SPIN1: variants seen among roughly 807,000 people sequenced by gnomAD.
The protein encoded by SPIN1 is spindlin-1.
Under a neutral mutation model 26.0 loss-of-function variants are expected in SPIN1, and 3 were observed. That is an observed-to-expected ratio of 0.12 (90% confidence interval 0.05 to 0.30). The LOEUF is 0.30. SPIN1 is among the 10% of genes least tolerant of loss of function. SPIN1 has a pLI of 1.00. For synonymous variants in SPIN1, 101 were observed against 116.5 expected, an observed-to-expected ratio of 0.87 and a Z score of 0.86; for missense variants, 126 against 333.4, an observed-to-expected ratio of 0.38 and a Z score of 4.84.
rs1334352948 is a variant in SPIN1, at chr9:88,395,001, G to C, written c.-159+6463G>C. On this transcript the variant is annotated intron_variant, in intron 1 of 5. Transcript: ENST00000375859. ...ATTTTTGTATTTTTAGTAGAGACGGGGTTTCACTATGTTAGCCAAGATGGT... is the reference window on the plus strand; with the variant it reads ...ATTTTTGTATTTTTAGTAGAGACGGCGTTTCACTATGTTAGCCAAGATGGT... 3.3e-5 allele frequency among the ~76,000 whole-genome samples: 5 copies of C among 151,658 alleles called. No individual in the cohort carries two copies. In the Admixed American group the frequency reaches 3.3e-4, roughly 10 times the overall value.
At chr9:88,423,434 TTTTG>T (rs141940848) in intron 1 of SPIN1, among the ~76,000 whole-genome samples, 11,600 of 151,708 alleles carry the variant, frequency 0.076, 1,384 homozygotes, top group African/African-American at 0.26. Context: ...TTTGTGGGTT[TTTTG>T]TTTGTTTGTT....
intron 5 of SPIN1, among the ~76,000 whole-genome samples, chr9:88,472,465 C>T (rs1278585743): frequency 1.3e-5 from 2 of 151,884 alleles, no homozygotes; most frequent in African/African-American, 4.8e-5. Flanking sequence ...ATCTCCTGAC[C>T]TCAGGTGAGC....
intron 1 of SPIN1, among the ~76,000 whole-genome samples, chr9:88,398,238 A>G (rs1361351490): frequency 1.3e-5 from 2 of 151,964 alleles, no homozygotes; most frequent in African/African-American, 4.8e-5. Flanking sequence ...GGCATGAGTC[A>G]CCGTGCCTGG....
chr9:88,455,097 A>G (rs1828444422), intron 3 of SPIN1, among the ~76,000 whole-genome samples: 1 of 152,250 alleles, frequency 6.6e-6, no homozygotes, highest in Admixed American at 6.5e-5. Context: ...CCATCCTTAA[A>G]ATATGCAAAT....
chr9:88,426,191 C>CT (rs1827762539), intron 1 of SPIN1, among the ~76,000 whole-genome samples, 191 bp from the exon 2 acceptor site: 2 of 152,230 alleles, frequency 1.3e-5, no homozygotes, highest in African/African-American at 2.4e-5. Flanking sequence ...TTTAAAGAGT[C>CT]TATCACCTCT....
intron 1 of SPIN1, among the ~76,000 whole-genome samples, chr9:88,396,489 C>T (rs925979187): frequency 6.6e-6 from 1 of 151,480 alleles, no homozygotes; most frequent in South Asian, 2.1e-4. Context: ...GTAATCCCAG[C>T]TACTCAGGAG....
intron 1 of SPIN1, chr9:88,410,449 T>C (rs756087799): frequency 3.3e-5 from 22 of 662,570 alleles, no homozygotes; most frequent in Admixed American, 2.4e-4. Flanking sequence ...TGTGCTTGGC[T>C]GAATTCACAA....
At chr9:88,449,643 C>A (rs911131628) in intron 3 of SPIN1, among the ~76,000 whole-genome samples, 3 of 152,066 alleles carry the variant, frequency 2.0e-5, no homozygotes, top group Non-Finnish European at 4.4e-5. Context: ...CTATTGTTTT[C>A]AATTATAATA....
At chr9:88,422,156 C>T (rs1253191885) in intron 1 of SPIN1, among the ~76,000 whole-genome samples, 1 of 152,098 alleles carries the variant, frequency 6.6e-6, no homozygotes, top group Non-Finnish European at 1.5e-5. Flanking sequence ...CTCCAGCAAC[C>T]TTTCTCTTGA....
At chr9:88,456,842 T>G (rs1393257374) in intron 3 of SPIN1, among the ~76,000 whole-genome samples, 1 of 152,166 alleles carries the variant, frequency 6.6e-6, no homozygotes, top group Non-Finnish European at 1.5e-5. Context: ...AGAGGAGACT[T>G]GATCCTAAAG....
intron 1 of SPIN1, among the ~76,000 whole-genome samples, chr9:88,392,556 A>G (rs1826947857): frequency 6.6e-6 from 1 of 152,044 alleles, no homozygotes; most frequent in African/African-American, 2.4e-5. Flanking sequence ...GCCAAAAGTT[A>G]GCCCCTTGTT....
chr9:88,395,920 G>A (rs1368678492), intron 1 of SPIN1, among the ~76,000 whole-genome samples: 1 of 151,956 alleles, frequency 6.6e-6, no homozygotes, highest in Middle Eastern at 3.2e-3. Context: ...GGTGGCGCGT[G>A]CCTGTAATCC....
At chr9:88,401,797 C>G (rs998125680) in intron 1 of SPIN1, among the ~76,000 whole-genome samples, 1 of 152,126 alleles carries the variant, frequency 6.6e-6, no homozygotes, top group African/African-American at 2.4e-5. Flanking sequence ...ACTGTATGTT[C>G]TTGCTTATGT....
chr9:88,464,769 G>C (rs1741909839), intron 4 of SPIN1, among the ~76,000 whole-genome samples: 1 of 152,056 alleles, frequency 6.6e-6, no homozygotes, highest in South Asian at 2.1e-4. Flanking sequence ...AAAAAACATA[G>C]CATAAAATTT....
intron 4 of SPIN1, among the ~76,000 whole-genome samples, chr9:88,463,043 GTT>G (rs1231654416): frequency 2.0e-5 from 3 of 152,010 alleles, no homozygotes; most frequent in Non-Finnish European, 4.4e-5. Context: ...GATGGGTAAG[GTT>G]ATCAGTAGCT....
intron 2 of SPIN1, among the ~76,000 whole-genome samples, chr9:88,437,274 G>T (rs932561817): frequency 7.9e-5 from 12 of 152,130 alleles, no homozygotes; most frequent in Admixed American, 1.3e-4. Flanking sequence ...AAGGTAGGCC[G>T]ATCTCTTGAG....
At chr9:88,414,479 G>C (rs899547668) in intron 1 of SPIN1, among the ~76,000 whole-genome samples, 25 of 152,206 alleles carry the variant, frequency 1.6e-4, no homozygotes, top group Non-Finnish European at 1.3e-4. Context: ...CAGTCTCTCT[G>C]TTATACCACA....
intron 1 of SPIN1, among the ~76,000 whole-genome samples, chr9:88,406,926 G>A (rs1156719675): frequency 1.3e-5 from 2 of 151,808 alleles, no homozygotes; most frequent in Non-Finnish European, 2.9e-5. Flanking sequence ...AATTCTGTCT[G>A]TATTTTATCT....
intron 1 of SPIN1, chr9:88,416,861 G>C (rs1564027009): frequency 6.6e-6 from 1 of 152,206 alleles, no homozygotes; most frequent in Non-Finnish European, 1.5e-5. Context: ...AACTTCAGGT[G>C]ATCTGCCCAC....
Sources: gnomAD v4.1 joint callset for allele counts (sites outside exome capture counted in the v4.1 genomes callset) on GRCh38, gnomAD v4.1.1 for gene constraint, MANE v1.5 for transcripts, NCBI Gene and HGNC (gene_info 2026-07-23, HGNC 2026-07-21) for gene names.